Variants in TTC21A observed in about 807,000 individuals in gnomAD.
TTC21A encodes tetratricopeptide repeat protein 21A.
In TTC21A, 128 loss-of-function variants were observed where a neutral mutation model predicts 156.4. The ratio of observed to expected loss-of-function variants is 0.82; its 90% CI spans 0.71 to 0.95. TTC21A has a LOEUF of 0.95. Among genes scored for constraint, TTC21A ranks in the 40% least tolerant of loss-of-function variants. TTC21A has a pLI of 0.00. For missense variants in TTC21A, 1,435 were observed against 1,602.3 expected, an observed-to-expected ratio of 0.90 and a Z score of 1.78; for synonymous variants, 587 against 617.1, an observed-to-expected ratio of 0.95 and a Z score of 0.72.
chr3:39,107,892 C>T (rs763779150), intron 1 of TTC21A, 28 bp downstream of exon 1: 6 of 1,610,848 alleles, frequency 3.7e-6, no homozygotes, highest in Middle Eastern at 1.6e-4. Context: ...TGTCCGAGGG[C>T]TCCCTCGTGA....
At chr3:39,135,237 G>A in intron 22 of TTC21A, 63 bp downstream of exon 22, 1 of 1,409,944 alleles carries the variant, frequency 7.1e-7, no homozygotes, top group Admixed American at 1.7e-5. Flanking sequence ...CTCTCCCAGA[G>A]AAGGGTGGGA....
Position 39,126,375 on chromosome 3 carries a change from G to A in TTC21A, c.1507G>A (p.Val503Ile). ...LIDPLYLMAQ[V>I]RYYSGELENA... ...CGACCCCCTGTATTTGATGGCTCAG[G>A]TCAGGTATTACTCAGGTGAGCGGGG... Residue 503 changes from valine (V) to isoleucine (I), a missense_variant, in exon 12 of 29, where the codon GTC becomes ATC. Val to Ile is a conservative substitution (Grantham distance 29, BLOSUM62 3). Transcript: ENST00000683103. 6.2e-7 allele frequency: 1 copy of A among 1,613,888 alleles called. No individual in the cohort carries two copies. Among genetic ancestry groups the A allele is most frequent in the East Asian group, 2.2e-5 (1 of 44,860 alleles).
At chr3:39,128,569 G>A (rs1366287477) in intron 13 of TTC21A, 81 bp downstream of exon 13, 26 of 1,593,142 alleles carry the variant, frequency 1.6e-5, no homozygotes, top group Non-Finnish European at 2.1e-5. Context: ...TAGCCCCAGG[G>A]GCTAGCTGTG....
At chr3:39,116,754 GCCA>G (rs2037324301) in intron 6 of TTC21A, among the ~76,000 whole-genome samples, 1 of 152,150 alleles carries the variant, frequency 6.6e-6, no homozygotes, top group Non-Finnish European at 1.5e-5. Context: ...ATGGGTATGA[GCCA>G]CCATACTCAG....
At position 39,138,262 on chromosome 3, in the gene TTC21A, T is replaced by G. The variant is rs556797670; in HGVS notation, c.3676-5T>G. 1.9e-6 allele frequency: 3 copies of G among 1,614,010 alleles called. No individual in the cohort carries two copies. In the South Asian group the frequency reaches 3.3e-5, roughly 18 times the overall value. On this transcript the variant is annotated splice_polypyrimidine_tract_variant and splice_region_variant and intron_variant, in intron 26 of 28. Coordinates refer to ENST00000683103, the MANE Select transcript of TTC21A (RefSeq NM_001366900.1). ...TGCAGAGGCTCTAACTGGCTTTCCC[T>G]GCAGTCCTGCTACAAGGCCTATGAG...
At chr3:39,136,292 C>T in intron 22 of TTC21A, 65 bp from the exon 23 acceptor site, 2 of 1,552,934 alleles carry the variant, frequency 1.3e-6, no homozygotes, top group Non-Finnish European at 1.7e-6. Flanking sequence ...CCTAGGGCCC[C>T]AGCACCCTCA....
intron 9 of TTC21A, among the ~76,000 whole-genome samples, chr3:39,121,787 AGTT>A (rs1473969892): frequency 6.6e-6 from 1 of 152,086 alleles, no homozygotes; most frequent in African/African-American, 2.4e-5. Flanking sequence ...GGGTTGAGGA[AGTT>A]GTGTGGTCCA....
intron 23 of TTC21A, 51 bp downstream of exon 23, chr3:39,136,558 T>C: frequency 6.3e-7 from 1 of 1,591,892 alleles, no homozygotes; most frequent in Non-Finnish European, 8.6e-7. Context: ...GAAGCCCTAC[T>C]GGCAGATAGG....
At chr3:39,117,911 C>G (rs1201679333) in intron 6 of TTC21A, among the ~76,000 whole-genome samples, 158 bp from the exon 7 acceptor site, 2 of 152,272 alleles carry the variant, frequency 1.3e-5, no homozygotes, top group African/African-American at 4.8e-5. Context: ...TGGGAAATGT[C>G]TTTATTCTGA....
At chr3:39,118,697 C>T (rs1346334958) in intron 7 of TTC21A, 1 of 154,006 alleles carries the variant, frequency 6.5e-6, no homozygotes, top group Non-Finnish European at 1.4e-5. Context: ...CAAAAATAGC[C>T]CTCAAATGCA....
In TTC21A at chr3:39,110,969, C is replaced by T. The variant is rs2036774105; in HGVS notation, c.387C>T (p.Ala129=). 8.1e-6 allele frequency: 13 copies of T among 1,613,866 alleles called. No individual in the cohort carries two copies. The highest frequency in any genetic ancestry group is 1.1e-5 in the Non-Finnish European group (13 of 1,179,906). The stretch of plus-strand genomic sequence containing the variant: ...GGCTCATAGGCCGCCATGACAAGGC[C>T]AAAGAGTACATTGACCGCATGCTGA... ...FLWLIGRHDK[A]KEYIDRMLKI... is the part of the protein sequence containing the mutation. The change falls in exon 4 of 29, where the codon GCC becomes GCT. Residue 129 remains alanine, a synonymous_variant. Transcript: ENST00000683103.
At position 39,112,490 on chromosome 3, in the gene TTC21A, C is replaced by T. The variant is rs1377371790; in HGVS notation, c.468C>T (p.Thr156=). The change falls in exon 5 of 29, where the codon ACC becomes ACT. Residue 156 remains threonine (T), a synonymous_variant. Coordinates refer to ENST00000683103, the MANE Select transcript of TTC21A (RefSeq NM_001366900.1). ...AYVLRGWVDL[T]SDKPHTAKKA... ...TGCTCAGAGGCTGGGTGGACCTGAC[C>T]TCAGACAAGCCCCACACTGCGAAGA... 6 of 1,614,054 alleles carry T rather than the reference C, an allele frequency of 3.7e-6. No homozygotes were observed. Among genetic ancestry groups the T allele is most frequent in the Non-Finnish European group, 5.1e-6 (6 of 1,180,042 alleles).
rs115531188 is a variant in TTC21A, at chr3:39,112,366, G to C, written c.436-92G>C. On this transcript the variant is annotated intron_variant, in intron 4 of 28. Transcript: ENST00000683103. ...CGGGACTGTGCCTGGCAGGGCCTCA[G>C]GGTTTTGGGTGGCAAAGTGTGGATC... 4.5e-4 allele frequency: 637 copies of C among 1,401,606 alleles called. 2 individuals carry two copies. In the African/African-American group the frequency reaches 8.1e-3, roughly 18 times the overall value. The allele number at this position is 1,401,606 out of a possible 1,614,324, so 86.8% of individuals were successfully genotyped here.
At chr3:39,118,645 G>GC (rs1174206935) in intron 7 of TTC21A, 1 of 156,220 alleles carries the variant, frequency 6.4e-6, no homozygotes, top group East Asian at 1.9e-4. Context: ...GTAATACTGG[G>GC]CCCCAAACAT....
intron 27 of TTC21A, 52 bp from the exon 28 acceptor site, chr3:39,138,504 G>A: frequency 6.2e-7 from 1 of 1,613,822 alleles, no homozygotes; most frequent in South Asian, 1.1e-5. Context: ...GAACCAGAGG[G>A]GTTCTCAGGT....
intron 6 of TTC21A, among the ~76,000 whole-genome samples, chr3:39,116,674 T>C (rs969928075): frequency 6.6e-6 from 1 of 152,090 alleles, no homozygotes; most frequent in Non-Finnish European, 1.5e-5. Flanking sequence ...GTTTTTATGT[T>C]GCCCAAGCAG....
chr3:39,115,121 A>T (rs1292781501), intron 6 of TTC21A, among the ~76,000 whole-genome samples: 1 of 152,204 alleles, frequency 6.6e-6, no homozygotes, highest in Non-Finnish European at 1.5e-5. Flanking sequence ...TTTTTTTAAA[A>T]CTATTAAGTA....
At position 39,134,565 on chromosome 3, in the gene TTC21A, G is replaced by A; in HGVS notation, c.2862+237G>A. The A allele has an allele frequency of 1.6e-6, 1 of 608,870 alleles. No individual in the cohort carries two copies. Among genetic ancestry groups the A allele is most frequent in the Non-Finnish European group, 3.0e-6 (1 of 332,386 alleles). 37.7% of individuals were successfully genotyped at this position (608,870 alleles called of 1,614,324 possible). A position where few individuals can be genotyped will look rare whatever the true frequency, so the allele number is the denominator to read the frequency against. On this transcript the variant is annotated intron_variant, in intron 21 of 28. Coordinates refer to ENST00000683103, the MANE Select transcript of TTC21A (RefSeq NM_001366900.1). This position sits in a 1 kb window ranked among gnomAD's most constrained non-coding sequence, Gnocchi z 4.6. ...CCTGGGCCAGTCTAAGGTGGGGTGA[G>A]GTTGATTCACCCCAGGGGAAAGCAC...
rs2038682765 is a variant in TTC21A, at chr3:39,130,928, T to TC, written c.2459-60dup. The TC allele has an allele frequency of 1.7e-5, 28 of 1,607,290 alleles. 1 individual carries two copies. In the South Asian group the frequency reaches 3.1e-4, roughly 18 times the overall value. On this transcript the variant is annotated intron_variant, in intron 18 of 28. Coordinates refer to ENST00000683103, the MANE Select transcript of TTC21A (RefSeq NM_001366900.1). This position sits in a 1 kb window ranked among gnomAD's most constrained non-coding sequence, Gnocchi z 4.5. ...TTAGCTGAAGTCCTGATCCCAGCGCTCCCCACCAACACAGCTTCCCAGGAG... is the reference window on the plus strand; with the variant it reads ...TTAGCTGAAGTCCTGATCCCAGCGCTCCCCCACCAACACAGCTTCCCAGGAG...
Sources: allele counts gnomAD v4.1 joint callset (sites outside exome capture counted in the v4.1 genomes callset), GRCh38; gene constraint gnomAD v4.1.1; non-coding constraint Gnocchi (gnomAD v3.1); transcripts MANE v1.5; gene names NCBI Gene and HGNC (gene_info 2026-07-23, HGNC 2026-07-21).